The following GRM7 variants were observed in gnomAD, a reference collection of about 807,000 sequenced individuals.
The protein encoded by GRM7 is glutamate metabotropic receptor 7, also known as metabotropic glutamate receptor 7.
A neutral mutation model predicts 84.5 loss-of-function variants in GRM7; 35 were observed. The observed-to-expected ratio is 0.41, with a 90% confidence interval of 0.32 to 0.55. The LOEUF (loss-of-function observed/expected upper bound fraction) is 0.55. GRM7 is among the 20% of genes least tolerant of loss of function. GRM7 has a pLI of 0.19. For synonymous variants in GRM7, 487 were observed against 455.1 expected (o/e 1.07, Z -0.89); for missense variants, 1,003 against 1,194.6 (o/e 0.84, Z 2.36).
intron 4 of GRM7, among the ~76,000 whole-genome samples, chr3:7,397,736 C>G (rs535252780): frequency 6.6e-6 from 1 of 152,078 alleles, no homozygotes; most frequent in South Asian, 2.1e-4. Flanking sequence ...GTTGTTCTCA[C>G]TTAAGGGAGA....
At chr3:6,902,988 T>C (rs1282317915) in intron 1 of GRM7, among the ~76,000 whole-genome samples, 1 of 152,088 alleles carries the variant, frequency 6.6e-6, no homozygotes, top group Non-Finnish European at 1.5e-5. Flanking sequence ...CTAAAACAAT[T>C]AAAAACCAGC....
intron 4 of GRM7, among the ~76,000 whole-genome samples, chr3:7,335,068 C>T (rs1320958426): frequency 6.6e-6 from 1 of 152,072 alleles, no homozygotes; most frequent in Non-Finnish European, 1.5e-5. Flanking sequence ...ATGGACTTAA[C>T]AGATATTTAC....
chr3:6,886,955 A>T (rs1381920480), intron 1 of GRM7, among the ~76,000 whole-genome samples: 1 of 152,014 alleles, frequency 6.6e-6, no homozygotes, highest in Non-Finnish European at 1.5e-5. Context: ...TAACCCGTGA[A>T]CTCAGGTCAG....
At chr3:7,088,319 A>T (rs1360670609) in intron 1 of GRM7, among the ~76,000 whole-genome samples, 2 of 152,174 alleles carry the variant, frequency 1.3e-5, no homozygotes. Flanking sequence ...AAAAAGGGGC[A>T]ATGAACTCAA....
intron 1 of GRM7, among the ~76,000 whole-genome samples, chr3:6,949,181 C>T: frequency 6.6e-6 from 1 of 152,202 alleles, no homozygotes; most frequent in Non-Finnish European, 1.5e-5. Flanking sequence ...CATGTTTTTG[C>T]AGTGGCTGGT....
At chr3:7,141,469 C>T (rs1254910373) in intron 1 of GRM7, among the ~76,000 whole-genome samples, 4 of 151,908 alleles carry the variant, frequency 2.6e-5, no homozygotes, top group African/African-American at 7.2e-5. Flanking sequence ...ATTTCCCATG[C>T]GGGAAGATAA....
At chr3:7,490,509 A>G (rs971440851) in intron 7 of GRM7, among the ~76,000 whole-genome samples, 1 of 152,190 alleles carries the variant, frequency 6.6e-6, no homozygotes, top group Admixed American at 6.5e-5. Context: ...AAATGGTTGC[A>G]CTTGTGTTAG....
chr3:7,231,591 A>G (rs567595515), intron 2 of GRM7, among the ~76,000 whole-genome samples: 25 of 152,328 alleles, frequency 1.6e-4, no homozygotes, highest in African/African-American at 4.3e-4. Flanking sequence ...ACAGTAAACA[A>G]TTATCAAAAC....
chr3:7,041,017 A>C (rs1028811867), intron 1 of GRM7, among the ~76,000 whole-genome samples: 1 of 151,330 alleles, frequency 6.6e-6, no homozygotes, highest in African/African-American at 2.4e-5. Context: ...TGGGAGGTTA[A>C]GGCTGCAAGC....
chr3:7,114,724 G>A (rs754963802), intron 1 of GRM7, among the ~76,000 whole-genome samples: 1 of 152,164 alleles, frequency 6.6e-6, no homozygotes, highest in Non-Finnish European at 1.5e-5. Flanking sequence ...AAAGCCTGGA[G>A]TACATAGCTA....
intron 2 of GRM7, among the ~76,000 whole-genome samples, chr3:7,165,564 A>G (rs1694774077): frequency 1.3e-5 from 2 of 152,234 alleles, no homozygotes; most frequent in African/African-American, 2.4e-5. Context: ...AGAATGTAAC[A>G]TTGGTATTGC....
intron 2 of GRM7, among the ~76,000 whole-genome samples, chr3:7,211,183 A>G (rs1168640276): frequency 6.6e-6 from 1 of 152,236 alleles, no homozygotes; most frequent in Non-Finnish European, 1.5e-5. Context: ...ATTAAAATAT[A>G]TGTATGATTT....
chr3:7,265,842 G>A (rs1698615355), intron 2 of GRM7, among the ~76,000 whole-genome samples: 1 of 152,118 alleles, frequency 6.6e-6, no homozygotes, highest in Non-Finnish European at 1.5e-5. Flanking sequence ...TTCCACAAAT[G>A]GCCCTGCTGA....
chr3:7,361,408 T>G (rs1693658256), intron 4 of GRM7, among the ~76,000 whole-genome samples: 1 of 152,168 alleles, frequency 6.6e-6, no homozygotes, highest in Non-Finnish European at 1.5e-5. Context: ...CATATTTTAT[T>G]GCAAACTAGT....
chr3:7,500,123 A>T (rs1250997825), intron 7 of GRM7, among the ~76,000 whole-genome samples: 1 of 152,104 alleles, frequency 6.6e-6, no homozygotes, highest in Non-Finnish European at 1.5e-5. Flanking sequence ...ATTATTACTT[A>T]TGAGCTATTT....
chr3:7,117,609 C>T (rs1693081609), intron 1 of GRM7, among the ~76,000 whole-genome samples: 2 of 152,120 alleles, frequency 1.3e-5, no homozygotes, highest in Admixed American at 1.3e-4. Flanking sequence ...ATCAGTTATC[C>T]TCATGCTCTC....
At chr3:7,442,396 G>A (rs1243233272) in intron 5 of GRM7, among the ~76,000 whole-genome samples, 1 of 152,162 alleles carries the variant, frequency 6.6e-6, no homozygotes, top group Non-Finnish European at 1.5e-5. Flanking sequence ...TGAATTCACA[G>A]CATCTTCAAA....
intron 5 of GRM7, among the ~76,000 whole-genome samples, chr3:7,420,190 C>G (rs191250027): frequency 6.6e-6 from 1 of 152,050 alleles, no homozygotes; most frequent in Non-Finnish European, 1.5e-5. Context: ...CTATATAATT[C>G]GTTAACAAGA....
At chr3:7,302,281 A>G (rs1055870656) in intron 3 of GRM7, among the ~76,000 whole-genome samples, 3 of 152,176 alleles carry the variant, frequency 2.0e-5, no homozygotes, top group African/African-American at 4.8e-5. Flanking sequence ...TTTTTTATAC[A>G]TACACAAATT....
Sources: allele counts gnomAD v4.1 joint callset (sites outside exome capture counted in the v4.1 genomes callset), GRCh38; gene constraint gnomAD v4.1.1; transcripts MANE v1.5; gene names NCBI Gene and HGNC (gene_info 2026-07-23, HGNC 2026-07-21).